Variants in IMPG1 observed in about 807,000 individuals in gnomAD.
The protein encoded by IMPG1 is interphotoreceptor matrix proteoglycan of 150 kDa.
Under a neutral mutation model 92.0 loss-of-function variants are expected in IMPG1, and 85 were observed. The ratio of observed to expected loss-of-function variants is 0.92; its 90% CI spans 0.78 to 1.11. The LOEUF (loss-of-function observed/expected upper bound fraction) is 1.11, where lower values mean the gene tolerates loss of function less well. IMPG1 is among the 50% of genes least tolerant of loss of function. The probability of loss-of-function intolerance (pLI) is 0.00; values close to 1 mark genes in which losing one functional copy is unlikely to be tolerated. For missense variants in IMPG1, 1,022 were observed against 956.0 expected, an observed-to-expected ratio of 1.07 and a Z score of -0.91; for synonymous variants, 367 against 334.1, an observed-to-expected ratio of 1.10 and a Z score of -1.08.
At position 75,930,979 on chromosome 6, in the gene IMPG1, G is replaced by A; in HGVS notation, c.2217C>T (p.Val739=). The A allele has an allele frequency of 6.2e-7, 1 of 1,614,204 alleles. No homozygotes were observed. The highest frequency in any genetic ancestry group is 8.5e-7 in the Non-Finnish European group (1 of 1,180,032). ...LCGPGTKECE[V]LQGKGAPCRL... ...TGCATGGAGCTCCCTTTCCCTGGAGGACCTCGCATTCCTTTGTGCCAGGGC... is the reference window on the plus strand; with the variant it reads ...TGCATGGAGCTCCCTTTCCCTGGAGAACCTCGCATTCCTTTGTGCCAGGGC... Residue 739 remains valine, a synonymous_variant, in exon 15 of 17, where the codon GTC becomes GTT. Coordinates refer to ENST00000369950, the MANE Select transcript of IMPG1 (RefSeq NM_001563.4).
intron 12 of IMPG1, among the ~76,000 whole-genome samples, chr6:75,957,046 A>G (rs919332279): frequency 6.6e-6 from 1 of 152,032 alleles, no homozygotes; most frequent in African/African-American, 2.4e-5. Flanking sequence ...CAGCCTCCTG[A>G]GTAGCTGAGA....
intron 1 of IMPG1, among the ~76,000 whole-genome samples, chr6:76,049,406 T>G (rs1056019106): frequency 6.6e-6 from 1 of 152,134 alleles, no homozygotes; most frequent in Non-Finnish European, 1.5e-5. Flanking sequence ...TCCTAGTGAG[T>G]GAAGATTTCC....
chr6:76,053,500 G>A (rs1784075626), intron 1 of IMPG1, among the ~76,000 whole-genome samples: 1 of 152,122 alleles, frequency 6.6e-6, no homozygotes, highest in Non-Finnish European at 1.5e-5. Context: ...CAGAAGCTGA[G>A]GTGTACTGAG....
chr6:75,928,894 C>T (rs927082927), intron 15 of IMPG1, among the ~76,000 whole-genome samples: 1 of 152,174 alleles, frequency 6.6e-6, no homozygotes, highest in African/African-American at 2.4e-5. Flanking sequence ...TTTTATGCTG[C>T]AATTTGCTTT....
At chr6:75,985,703 AG>A (rs1782704857) in intron 12 of IMPG1, among the ~76,000 whole-genome samples, 1 of 152,106 alleles carries the variant, frequency 6.6e-6, no homozygotes. Flanking sequence ...GGCTGGACAA[AG>A]CTTGGAGAGC....
chr6:76,018,614 T>C (rs1354308075), intron 7 of IMPG1, 104 bp downstream of exon 7: 6 of 1,028,706 alleles, frequency 5.8e-6, no homozygotes, highest in Non-Finnish European at 6.9e-6. Flanking sequence ...TAAACATGAA[T>C]GCCAGGAGAA....
At chr6:76,024,656 AG>A (rs1476457210) in intron 5 of IMPG1, among the ~76,000 whole-genome samples, 3 of 105,148 alleles carry the variant, frequency 2.9e-5, no homozygotes, top group Non-Finnish European at 7.8e-5. Flanking sequence ...TGTTTGACTT[AG>A]TAATCTATTT....
intron 14 of IMPG1, among the ~76,000 whole-genome samples, chr6:75,942,455 C>T (rs1043298066): frequency 1.3e-5 from 2 of 152,130 alleles, no homozygotes; most frequent in African/African-American, 4.8e-5. Context: ...GGAGGATGGG[C>T]ACTGTTGTGT....
chr6:75,988,197 A>T (rs1382822778), intron 12 of IMPG1, among the ~76,000 whole-genome samples: 3 of 152,220 alleles, frequency 2.0e-5, no homozygotes, highest in Non-Finnish European at 4.4e-5. Flanking sequence ...GAATCACCAC[A>T]CTGTCTTCCA....
At chr6:75,948,501 G>T (rs931765108) in intron 13 of IMPG1, among the ~76,000 whole-genome samples, 1 of 152,098 alleles carries the variant, frequency 6.6e-6, no homozygotes, top group Non-Finnish European at 1.5e-5. Context: ...CTCTGACCCA[G>T]TCCCACATTC....
chr6:76,038,465 C>T (rs1286665705), intron 2 of IMPG1, among the ~76,000 whole-genome samples: 1 of 152,070 alleles, frequency 6.6e-6, no homozygotes, highest in African/African-American at 2.4e-5. Context: ...TCTCACAAGC[C>T]AGGAGGCATA....
rs1233541466 is a variant in IMPG1, at chr6:75,950,972, G to C, written c.1414C>G (p.Gln472Glu). 6.2e-7 allele frequency: 1 copy of C among 1,613,944 alleles called. No homozygotes were observed. The change falls in exon 13 of 17, where the codon CAG becomes GAG. Residue 472 changes from glutamine (Q) to glutamate (E), a missense_variant. Physicochemically the swap from Gln to Glu is conservative, Grantham distance 29. Around this residue, in one of 3 missense-constraint regions of IMPG1, gnomAD observed 681 missense variants for 583.6 expected, o/e 1.17. Coordinates refer to ENST00000369950, the MANE Select transcript of IMPG1 (RefSeq NM_001563.4). ...QGTTDTMATD[Q>E]TMLVPGLTIP... The stretch of plus-strand genomic sequence containing the variant: ...GTGAGCCCTGGTACTAGCATTGTCT[G>C]GTCAGTGGCCATTGTATCTGTGGTG...
chr6:75,940,445 C>G (rs1010819553), intron 14 of IMPG1, among the ~76,000 whole-genome samples: 1 of 152,172 alleles, frequency 6.6e-6, no homozygotes, highest in Non-Finnish European at 1.5e-5. Flanking sequence ...ACGCACCACC[C>G]TTTGTACCTA....
intron 12 of IMPG1, among the ~76,000 whole-genome samples, chr6:75,958,502 C>T (rs779647837): frequency 6.6e-6 from 1 of 152,158 alleles, no homozygotes; most frequent in Non-Finnish European, 1.5e-5. Flanking sequence ...TTCCATTCGC[C>T]CCCTGCATCA....
intron 12 of IMPG1, among the ~76,000 whole-genome samples, chr6:75,999,796 A>T (rs1251214121): frequency 6.6e-6 from 1 of 152,244 alleles, no homozygotes; most frequent in Admixed American, 6.5e-5. Context: ...CTCAAATATG[A>T]GATATAATTT....
At chr6:76,005,212 T>A in intron 10 of IMPG1, 75 bp downstream of exon 10, 2 of 1,457,118 alleles carry the variant, frequency 1.4e-6, no homozygotes, top group Admixed American at 3.9e-5. Context: ...AAAATGACAG[T>A]TTCCATGAGA....
At position 76,072,407 on chromosome 6, in the gene IMPG1, ATT is replaced by A; in HGVS notation, c.67+13_67+14del. On this transcript the variant is annotated intron_variant, in intron 1 of 16. Transcript: ENST00000369950. ...ATAGATAAGCAATTTAAAAGTAAAC[ATT>A]TAAGTAACTTACCTTTGGTTCCTTG... is the stretch of plus-strand genomic sequence containing the variant. 3 of 1,406,654 alleles carry A rather than the reference ATT, an allele frequency of 2.1e-6. No homozygotes were observed. The highest frequency in any genetic ancestry group is 3.0e-6 in the Non-Finnish European group (3 of 1,001,104). 87.1% of individuals were successfully genotyped at this position (1,406,654 alleles called of 1,614,324 possible). A position where few individuals can be genotyped will look rare whatever the true frequency, so the allele number is the denominator to read the frequency against.
chr6:76,036,932 T>C lies in IMPG1; in HGVS notation c.302-2145A>G, dbSNP rs1217016354. Among the ~76,000 whole-genome samples, 5 of 152,304 alleles carry C rather than the reference T, an allele frequency of 3.3e-5. No individual in the cohort carries two copies. The East Asian group carries it at 5.8e-4, about 18-fold the overall frequency. On this transcript the variant is annotated intron_variant, in intron 2 of 16. Transcript: ENST00000369950. ...AAAACTAGATGTCAATGGAAAAGCA[T>C]GCGAGGGGATTATATAGCTAAAAAT...
At chr6:76,040,964 C>G (rs1044183934) in intron 2 of IMPG1, among the ~76,000 whole-genome samples, 1 of 152,086 alleles carries the variant, frequency 6.6e-6, no homozygotes, top group African/African-American at 2.4e-5. Context: ...TTAAATAAAG[C>G]AGGGTGGCTC....
Sources: gnomAD v4.1 joint callset for allele counts (sites outside exome capture counted in the v4.1 genomes callset) on GRCh38, gnomAD v4.1.1 for gene constraint, gnomAD v4.1.1 regional missense constraint, MANE v1.5 for transcripts, NCBI Gene and HGNC (gene_info 2026-07-23, HGNC 2026-07-21) for gene names.